CDH18: variants seen among roughly 807,000 people sequenced by gnomAD.
CDH18 encodes the protein cadherin 18, also known as cadherin-18.
Under a neutral mutation model 67.9 loss-of-function variants are expected in CDH18, and 31 were observed. The ratio of observed to expected loss-of-function variants is 0.46; its 90% CI spans 0.34 to 0.62. The LOEUF is 0.62. Ranked by LOEUF, CDH18 falls within the 20% of genes least tolerant of loss-of-function variation. The pLI is 0.01. For synonymous variants in CDH18, 362 were observed against 347.2 expected, an observed-to-expected ratio of 1.04 and a Z score of -0.48; for missense variants, 890 against 975.5, an observed-to-expected ratio of 0.91 and a Z score of 1.17.
chr5:19,608,584 T>A (rs1748455096), intron 6 of CDH18, among the ~76,000 whole-genome samples: 1 of 151,784 alleles, frequency 6.6e-6, no homozygotes, highest in Admixed American at 6.6e-5. Context: ...CCAAACCAGT[T>A]AAACAATTGT....
intron 11 of CDH18, among the ~76,000 whole-genome samples, chr5:19,487,216 A>G (rs377237838): frequency 3.3e-5 from 5 of 152,176 alleles, no homozygotes; most frequent in African/African-American, 1.2e-4. Context: ...AAAGGTAGGT[A>G]AATAGGTACA....
intron 5 of CDH18, among the ~76,000 whole-genome samples, chr5:19,650,468 A>G (rs1561541835): frequency 6.6e-6 from 1 of 152,102 alleles, no homozygotes; most frequent in Non-Finnish European, 1.5e-5. Context: ...AGACAAATTG[A>G]AAAGCAAAAG....
chr5:20,366,709 A>G (rs1742549903), intron 1 of CDH18, among the ~76,000 whole-genome samples: 1 of 152,216 alleles, frequency 6.6e-6, no homozygotes, highest in Non-Finnish European at 1.5e-5. Flanking sequence ...GAGTGGAAAC[A>G]CTTAGCATGG....
At chr5:19,510,625 G>A (rs1445588257) in intron 10 of CDH18, among the ~76,000 whole-genome samples, 1 of 152,062 alleles carries the variant, frequency 6.6e-6, no homozygotes, top group Non-Finnish European at 1.5e-5. Flanking sequence ...GCTAAGTGTA[G>A]TAATTACCTT....
chr5:20,337,317 G>C (rs1561984141), intron 1 of CDH18, among the ~76,000 whole-genome samples: 1 of 152,144 alleles, frequency 6.6e-6, no homozygotes, highest in Non-Finnish European at 1.5e-5. Context: ...TTGTCAGGCT[G>C]CAAATTTTCC....
chr5:20,496,700 A>G (rs1753928983), intron 1 of CDH18, among the ~76,000 whole-genome samples: 1 of 152,144 alleles, frequency 6.6e-6, no homozygotes, highest in Non-Finnish European at 1.5e-5. Flanking sequence ...CATGGAAAAT[A>G]TTATAAGCAT....
chr5:19,881,543 T>G (rs867183459), intron 2 of CDH18, among the ~76,000 whole-genome samples: 86 of 151,218 alleles, frequency 5.7e-4, no homozygotes, highest in Middle Eastern at 3.4e-3. Context: ...AGTTTCACTC[T>G]TGTTAACCAG....
At chr5:19,824,949 A>G (rs1384619891) in intron 3 of CDH18, among the ~76,000 whole-genome samples, 1 of 152,140 alleles carries the variant, frequency 6.6e-6, no homozygotes, top group African/African-American at 2.4e-5. Flanking sequence ...AATCACACCC[A>G]TCCCTGGCAC....
At chr5:20,038,737 A>G (rs1233974085) in intron 2 of CDH18, among the ~76,000 whole-genome samples, 1 of 152,190 alleles carries the variant, frequency 6.6e-6, no homozygotes, top group African/African-American at 2.4e-5. Flanking sequence ...AGCCAATATC[A>G]TACTTAATGG....
At chr5:20,478,927 A>C (rs1031333881) in intron 1 of CDH18, among the ~76,000 whole-genome samples, 9 of 152,154 alleles carry the variant, frequency 5.9e-5, no homozygotes, top group African/African-American at 2.2e-4. Flanking sequence ...TGTTTGAGGG[A>C]AAGTGTGGGA....
chr5:19,673,841 T>C (rs1019133207), intron 5 of CDH18, among the ~76,000 whole-genome samples: 7 of 152,214 alleles, frequency 4.6e-5, no homozygotes, highest in African/African-American at 1.7e-4. Context: ...ACTGACTCAT[T>C]GACAGGTTAG....
rs550535192 is a variant in CDH18, at chr5:19,719,335, A to G, written c.643+2012T>C. Among the ~76,000 whole-genome samples, 44 of 152,090 alleles carry G rather than the reference A, an allele frequency of 2.9e-4. No individual in the cohort carries two copies. In the East Asian group the frequency reaches 8.3e-3, roughly 29 times the overall value. ...GCATGTATGCCTTTGTGACATGTGCATGCATGTGTGTTAGTATATTTCTAA... is the reference window on the plus strand; with the variant it reads ...GCATGTATGCCTTTGTGACATGTGCGTGCATGTGTGTTAGTATATTTCTAA... On this transcript the variant is annotated intron_variant, in intron 5 of 12. Transcript: ENST00000382275.
chr5:20,399,745 C>T (rs1447583075), intron 1 of CDH18, among the ~76,000 whole-genome samples: 1 of 152,180 alleles, frequency 6.6e-6, no homozygotes, highest in Non-Finnish European at 1.5e-5. Context: ...CCCTTACACA[C>T]ATTTTTAATT....
At chr5:20,284,716 A>T (rs998589092) in intron 1 of CDH18, among the ~76,000 whole-genome samples, 4 of 151,974 alleles carry the variant, frequency 2.6e-5, no homozygotes, top group Admixed American at 6.6e-5. Flanking sequence ...TAGCAAGGGA[A>T]TTCTTTTTTT....
chr5:20,260,079 G>C (rs2126629606), intron 1 of CDH18, among the ~76,000 whole-genome samples: 1 of 151,804 alleles, frequency 6.6e-6, no homozygotes, highest in Middle Eastern at 3.4e-3. Flanking sequence ...ATAAATTAAA[G>C]GTATGCCTTA....
chr5:20,206,238 A>C (rs1009478351), intron 2 of CDH18, among the ~76,000 whole-genome samples: 2 of 151,940 alleles, frequency 1.3e-5, no homozygotes, highest in Non-Finnish European at 2.9e-5. Flanking sequence ...AAACCTAGAA[A>C]AAAACTGAAA....
At chr5:19,542,997 T>C (rs926698294) in intron 9 of CDH18, among the ~76,000 whole-genome samples, 6 of 152,154 alleles carry the variant, frequency 3.9e-5, no homozygotes, top group Non-Finnish European at 7.4e-5. Context: ...TTACTTTACA[T>C]GGCACTATTT....
At chr5:19,805,599 A>G (rs577243729) in intron 3 of CDH18, among the ~76,000 whole-genome samples, 152 of 152,158 alleles carry the variant, frequency 1.0e-3, no homozygotes, top group Non-Finnish European at 1.9e-3. Flanking sequence ...AGGCCCACAA[A>G]ACACCCAGAT....
intron 11 of CDH18, among the ~76,000 whole-genome samples, chr5:19,500,177 T>C (rs1184748662): frequency 1.3e-5 from 2 of 152,082 alleles, no homozygotes; most frequent in Non-Finnish European, 2.9e-5. Flanking sequence ...CTGACCCTTA[T>C]TCCACTGTAT....
Sources: allele counts gnomAD v4.1 joint callset (sites outside exome capture counted in the v4.1 genomes callset), GRCh38; gene constraint gnomAD v4.1.1; transcripts MANE v1.5; gene names NCBI Gene and HGNC (gene_info 2026-07-23, HGNC 2026-07-21).